The following IFT81 variants were observed in gnomAD, a reference collection of about 807,000 sequenced individuals.
The protein encoded by IFT81 is intraflagellar transport 81.
IFT81 carries 72 observed loss-of-function variants against 102.6 expected under a neutral mutation model. That is an observed-to-expected ratio of 0.70 (90% confidence interval 0.58 to 0.85). IFT81 has a LOEUF of 0.85. Ranked by LOEUF, IFT81 falls within the 40% of genes least tolerant of loss-of-function variation. The probability of loss-of-function intolerance (pLI) is 0.00; values close to 1 mark genes in which losing one functional copy is unlikely to be tolerated. For missense variants in IFT81, 723 were observed against 787.3 expected (o/e 0.92, Z 0.98); for synonymous variants, 237 against 242.7 (o/e 0.98, Z 0.22).
At chr12:110,169,013 TTTCCTTCCTCCC>T (rs1896592350) in intron 11 of IFT81, 2 of 141,192 alleles carry the variant, frequency 1.4e-5, no homozygotes, top group South Asian at 4.7e-4. Context: ...CTTTCTTTCT[TTTCCTTCCTCCC>T]TTCCTTCCTT....
intron 14 of IFT81, among the ~76,000 whole-genome samples, chr12:110,193,217 T>C (rs189475166): frequency 2.0e-5 from 3 of 152,272 alleles, no homozygotes; most frequent in Admixed American, 1.3e-4. Flanking sequence ...TTATGCTGCT[T>C]ATTTAGCCAT....
At chr12:110,157,161 A>G (rs917162771) in intron 10 of IFT81, among the ~76,000 whole-genome samples, 3 of 152,096 alleles carry the variant, frequency 2.0e-5, no homozygotes, top group Non-Finnish European at 4.4e-5. Flanking sequence ...CAGCCTGGCC[A>G]ATATGGTGAA....
At chr12:110,186,238 CTTGTTTGTTTGTTTGT>C (rs139841661) in intron 12 of IFT81, among the ~76,000 whole-genome samples, 35 of 150,910 alleles carry the variant, frequency 2.3e-4, no homozygotes, top group Non-Finnish European at 4.0e-4. Context: ...AACTGTACAT[CTTGTTTGTTTGTTTGT>C]TTGTTTGTTT....
At chr12:110,190,170 A>G (rs536933920) in intron 12 of IFT81, among the ~76,000 whole-genome samples, 1 of 152,326 alleles carries the variant, frequency 6.6e-6, no homozygotes, top group Admixed American at 6.5e-5. Flanking sequence ...ACAACTTATT[A>G]TCTAAAGTAG....
At chr12:110,140,312 C>A (rs956916598) in intron 8 of IFT81, among the ~76,000 whole-genome samples, 2 of 152,056 alleles carry the variant, frequency 1.3e-5, no homozygotes, top group Admixed American at 1.3e-4. Context: ...TTTTGACATA[C>A]GCATACACTG....
rs1218162544 is a variant in IFT81, at chr12:110,176,105, CTG to C, written c.1189-4311_1189-4310del. Among the ~76,000 whole-genome samples the C allele has an allele frequency of 2.0e-5, 3 of 152,118 alleles. No individual in the cohort carries two copies. In the East Asian group the frequency reaches 5.8e-4, roughly 29 times the overall value. Reference sequence around the variant, plus strand: ...CTGCCAGGCCTGCTAGCCTATGTCTCTGTGTGTTTCCTCAGCCCCTAATCCCA... The same window carrying C: ...CTGCCAGGCCTGCTAGCCTATGTCTCTGTGTTTCCTCAGCCCCTAATCCCA... On this transcript the variant is annotated intron_variant, in intron 11 of 18. Coordinates refer to ENST00000242591, the MANE Select transcript of IFT81 (RefSeq NM_014055.4).
Position 110,127,352 on chromosome 12 carries a change from C to G in IFT81, c.-21-8C>G. 1.4e-6 allele frequency: 2 copies of G among 1,455,768 alleles called. No individual in the cohort carries two copies. The highest frequency in any genetic ancestry group is 1.5e-5 in the African/African-American group (1 of 67,662). The allele number at this position is 1,455,768 out of a possible 1,614,324, so 90.2% of individuals were successfully genotyped here. ...TTAAGGATTTTTTTTTCTATTTTTA[C>G]TCTTTAGTTAAAATTATAAGACCTA... On this transcript the variant is annotated splice_polypyrimidine_tract_variant and splice_region_variant and intron_variant, in intron 1 of 18. Transcript: ENST00000242591.
At chr12:110,189,500 C>G (rs1259404496) in intron 12 of IFT81, among the ~76,000 whole-genome samples, 1 of 152,036 alleles carries the variant, frequency 6.6e-6, no homozygotes, top group Non-Finnish European at 1.5e-5. Flanking sequence ...AGGTGCCCAC[C>G]AACACATCTG....
rs753939899 is a variant in IFT81, at chr12:110,163,016, G to A, written c.1139G>A (p.Arg380Lys). ...CTAGAGAGAGAAGCATCAGTAAAGAGAAATCAGACCCGTGAATTTGATGGT... is the reference window on the plus strand; with the variant it reads ...CTAGAGAGAGAAGCATCAGTAAAGAAAAATCAGACCCGTGAATTTGATGGT... ...ASLEREASVKRNQTREFDGTE... is the reference protein window; with the variant it reads ...ASLEREASVKKNQTREFDGTE... The change falls in exon 11 of 19, where the codon AGA becomes AAA. Residue 380 changes from arginine (R) to lysine (K), a missense_variant. Physicochemically the swap from Arg to Lys is conservative, Grantham distance 26 (BLOSUM62 2). Transcript: ENST00000242591. The A allele has an allele frequency of 6.2e-7, 1 of 1,613,994 alleles. No individual in the cohort carries two copies. The highest frequency in any genetic ancestry group is 8.5e-7 in the Non-Finnish European group (1 of 1,179,930).
chr12:110,196,049 A>T (rs1480862086), intron 14 of IFT81, among the ~76,000 whole-genome samples: 1 of 152,208 alleles, frequency 6.6e-6, no homozygotes, highest in Non-Finnish European at 1.5e-5. Flanking sequence ...GGTGTTCTAA[A>T]CTTCCTAGTG....
In IFT81 at chr12:110,205,664, A is replaced by G; in HGVS notation, c.1786A>G (p.Lys596Glu). 6.3e-7 allele frequency: 1 copy of G among 1,587,968 alleles called. No homozygotes were observed. The highest frequency in any genetic ancestry group is 8.5e-7 in the Non-Finnish European group (1 of 1,171,432). Residue 596 changes from lysine to glutamate, a missense_variant, in exon 17 of 19, where the codon AAA becomes GAA. Coordinates refer to ENST00000242591, the MANE Select transcript of IFT81 (RefSeq NM_014055.4). The stretch of plus-strand genomic sequence containing the variant: ...ATATATCTCTTCTGATCAACAAGAA[A>G]AAAGAAAGGCAATTAGGCAAGTGAT... ...KAYISSDQQE[K>E]RKAIREQYTK...
rs1893952493 is a variant in IFT81 at position 110,128,111 on chromosome 12, T to C, written c.210T>C (p.Gly70=). The C allele has an allele frequency of 6.2e-7, 1 of 1,613,374 alleles. No individual in the cohort carries two copies. The highest frequency in any genetic ancestry group is 8.5e-7 in the Non-Finnish European group (1 of 1,179,328). Residue 70 remains glycine, a synonymous_variant, in exon 3 of 19, where the codon GGT becomes GGC. Coordinates refer to ENST00000242591, the MANE Select transcript of IFT81 (RefSeq NM_014055.4). ...CCAAACGAATGTTGAGCCTTCTTGG[T>C]ATTCTTAAGTACAAACCTTCAGGAA... is the stretch of plus-strand genomic sequence containing the variant. ...QTAKRMLSLL[G]ILKYKPSGNA... is the part of the protein sequence containing the mutation.
intron 4 of IFT81, 84 bp from the exon 5 acceptor site, chr12:110,132,459 CAAAA>C (rs397964365): frequency 1.3e-3 from 455 of 361,396 alleles, no homozygotes; most frequent in East Asian, 1.9e-3. Context: ...GAGTCTGTCT[CAAAA>C]AAAAAAAAAA....
At chr12:110,152,612 T>A (rs1184505675) in intron 10 of IFT81, among the ~76,000 whole-genome samples, 5 of 148,778 alleles carry the variant, frequency 3.4e-5, no homozygotes, top group Non-Finnish European at 7.5e-5. Context: ...ATATTCTGGA[T>A]TTTTTTTTTT....
At chr12:110,143,744 G>A (rs1489569766) in intron 9 of IFT81, among the ~76,000 whole-genome samples, 199 bp downstream of exon 9, 4 of 152,082 alleles carry the variant, frequency 2.6e-5, no homozygotes, top group African/African-American at 9.7e-5. Flanking sequence ...ATGATGTTAT[G>A]AAAACATAAT....
At chr12:110,135,089 G>T in intron 6 of IFT81, 76 bp downstream of exon 6, 1 of 1,134,760 alleles carries the variant, frequency 8.8e-7, no homozygotes, top group South Asian at 1.4e-5. Context: ...TGCAAATAAA[G>T]ATTCAGCCAA....
chr12:110,182,779 C>G (rs891646098), intron 12 of IFT81, among the ~76,000 whole-genome samples: 1 of 152,136 alleles, frequency 6.6e-6, no homozygotes, highest in Non-Finnish European at 1.5e-5. Context: ...ATCAGAATAT[C>G]TCTGGCAACC....
chr12:110,196,413 G>A (rs578223478), intron 14 of IFT81, among the ~76,000 whole-genome samples: 1 of 152,156 alleles, frequency 6.6e-6, no homozygotes, highest in Non-Finnish European at 1.5e-5. Context: ...CCAGCTACTC[G>A]GGAGGCTGAG....
At chr12:110,144,156 G>A (rs1566114468) in intron 9 of IFT81, among the ~76,000 whole-genome samples, 3 of 151,300 alleles carry the variant, frequency 2.0e-5, no homozygotes, top group African/African-American at 7.3e-5. Context: ...GGGATTACAG[G>A]CACGAACCAC....
Sources: gnomAD v4.1 joint callset for allele counts (sites outside exome capture counted in the v4.1 genomes callset) on GRCh38, gnomAD v4.1.1 for gene constraint, MANE v1.5 for transcripts, NCBI Gene and HGNC (gene_info 2026-07-23, HGNC 2026-07-21) for gene names.